The following COL25A1 variants were observed in gnomAD, a reference collection of about 807,000 sequenced individuals.
COL25A1 encodes the protein collagen alpha-1(XXV) chain.
A neutral mutation model predicts 128.4 loss-of-function variants in COL25A1; 103 were observed. The ratio of observed to expected loss-of-function variants is 0.80; its 90% confidence interval spans 0.68 to 0.94. COL25A1 has a LOEUF of 0.94. Ranked by LOEUF, COL25A1 falls within the 40% of genes least tolerant of loss-of-function variation. COL25A1 has a pLI of 0.00. For synonymous variants in COL25A1, 279 were observed against 277.2 expected (o/e 1.01, Z -0.06); for missense variants, 745 against 840.0 (o/e 0.89, Z 1.40).
In COL25A1 at chr4:109,096,545, GT is replaced by G. The variant is rs759565427; in HGVS notation, c.368-46367del. On this transcript the variant is annotated intron_variant, in intron 3 of 37. Coordinates refer to ENST00000399132, the MANE Select transcript of COL25A1 (RefSeq NM_198721.4). ...GGTGTACAGTAGGCTATACCACTAG[GT>G]TTGTGTAAATCCACTCTGTCATGTC... Among the ~76,000 whole-genome samples the G allele has an allele frequency of 9.1e-4, 139 of 152,126 alleles. 2 individuals are homozygous for G. Among genetic ancestry groups the G allele is most frequent in the Non-Finnish European group, 2.2e-4 (15 of 68,018 alleles).
At chr4:109,198,926 T>A (rs1182995163) in intron 3 of COL25A1, among the ~76,000 whole-genome samples, 1 of 152,122 alleles carries the variant, frequency 6.6e-6, no homozygotes, top group Non-Finnish European at 1.5e-5. Flanking sequence ...CTGTACAGCA[T>A]TTACAAATTG....
intron 13 of COL25A1, among the ~76,000 whole-genome samples, chr4:108,911,921 C>T (rs537620990): frequency 2.1e-4 from 32 of 149,298 alleles, no homozygotes; most frequent in Admixed American, 5.4e-4. Flanking sequence ...TATTTTCATT[C>T]GCTACAATAA....
intron 35 of COL25A1, among the ~76,000 whole-genome samples, chr4:108,821,590 C>A (rs1221393789): frequency 6.6e-6 from 1 of 152,130 alleles, no homozygotes; most frequent in Admixed American, 6.5e-5. Context: ...TAAATCAACT[C>A]AGATTAACCA....
intron 4 of COL25A1, among the ~76,000 whole-genome samples, chr4:109,048,448 A>G (rs3108953): frequency 0.38 from 57,082 of 152,048 alleles, 11,251 homozygotes; most frequent in Admixed American, 0.5. Flanking sequence ...AGATGTTCAT[A>G]TATCTTAAGT....
At position 109,302,207 on chromosome 4, in the gene COL25A1, C is replaced by T. The variant is rs1725627543; in HGVS notation, c.-95G>A. The T allele has an allele frequency of 4.5e-6, 3 of 673,422 alleles. No homozygotes were observed. Among genetic ancestry groups the T allele is most frequent in the Non-Finnish European group, 7.0e-6 (3 of 425,854 alleles). 41.7% of individuals were successfully genotyped at this position (673,422 alleles called of 1,614,324 possible). On this transcript the variant is annotated 5_prime_UTR_variant, in exon 1 of 38. It removes an upstream start codon present in the reference 5' UTR. Transcript: ENST00000399132. Reference sequence around the variant, plus strand: ...AGCGTCCAGACCCGCAGGCGTGCACCATCCCCGCTTTCTTCTCTCCTCCCA... The same window carrying T: ...AGCGTCCAGACCCGCAGGCGTGCACTATCCCCGCTTTCTTCTCTCCTCCCA...
At chr4:108,883,372 A>G (rs532418644) in intron 19 of COL25A1, among the ~76,000 whole-genome samples, 1 of 151,118 alleles carries the variant, frequency 6.6e-6, no homozygotes, top group South Asian at 2.1e-4. Flanking sequence ...AGATTGATTC[A>G]AAACTTTGTA....
chr4:108,839,083 G>C (rs1241976405), intron 31 of COL25A1, among the ~76,000 whole-genome samples: 1 of 152,070 alleles, frequency 6.6e-6, no homozygotes, highest in Non-Finnish European at 1.5e-5. Flanking sequence ...GCGGGAAAGG[G>C]GAGAGGCTAT....
At chr4:108,860,122 C>CT (rs1560762550) in intron 23 of COL25A1, among the ~76,000 whole-genome samples, 2 of 152,190 alleles carry the variant, frequency 1.3e-5, no homozygotes, top group Middle Eastern at 3.4e-3. Context: ...CTTCCTCATT[C>CT]TTTTTTTGAG....
At chr4:108,854,616 C>T (rs1736239828) in intron 24 of COL25A1, among the ~76,000 whole-genome samples, 1 of 152,138 alleles carries the variant, frequency 6.6e-6, no homozygotes, top group Non-Finnish European at 1.5e-5. Context: ...AAAAAAAGCT[C>T]ATCATCACTG....
At chr4:108,942,749 CTTTTTTT>C (rs746618908) in intron 8 of COL25A1, among the ~76,000 whole-genome samples, 1 of 69,960 alleles carries the variant, frequency 1.4e-5, no homozygotes, top group South Asian at 4.0e-4. Flanking sequence ...CACATCTGGA[CTTTTTTT>C]TTTTTTTTTT....
chr4:109,172,214 A>G (rs1198172873), intron 3 of COL25A1, among the ~76,000 whole-genome samples: 1 of 152,112 alleles, frequency 6.6e-6, no homozygotes, highest in Non-Finnish European at 1.5e-5. Context: ...GCACTGTGCT[A>G]AGGGATGGGG....
At chr4:109,017,012 G>T (rs963706136) in intron 5 of COL25A1, among the ~76,000 whole-genome samples, 1 of 152,210 alleles carries the variant, frequency 6.6e-6, no homozygotes, top group Non-Finnish European at 1.5e-5. Flanking sequence ...GCCCTTCAGG[G>T]AGCCCAGACC....
chr4:108,974,231 C>T, intron 8 of COL25A1, 136 bp downstream of exon 8: 1 of 803,004 alleles, frequency 1.2e-6, no homozygotes, highest in Non-Finnish European at 2.1e-6. Context: ...TTTTCACTTA[C>T]AAGTGGTATG....
chr4:109,108,004 C>A (rs1766613345), intron 3 of COL25A1, among the ~76,000 whole-genome samples: 1 of 152,128 alleles, frequency 6.6e-6, no homozygotes, highest in Non-Finnish European at 1.5e-5. Flanking sequence ...TTTCTACATA[C>A]CTTAAAAACC....
intron 5 of COL25A1, among the ~76,000 whole-genome samples, chr4:109,029,277 C>A (rs1463229668): frequency 6.6e-6 from 1 of 152,118 alleles, no homozygotes; most frequent in East Asian, 1.9e-4. Flanking sequence ...AATCTCATGC[C>A]ATCCCACTCC....
At chr4:109,146,068 T>C (rs1300542208) in intron 3 of COL25A1, among the ~76,000 whole-genome samples, 2 of 152,150 alleles carry the variant, frequency 1.3e-5, no homozygotes, top group Admixed American at 1.3e-4. Context: ...AACAATCAAA[T>C]AAATTCTTCA....
chr4:108,952,831 CTTTTTTTTTT>C (rs59761040), intron 8 of COL25A1, among the ~76,000 whole-genome samples: 10 of 66,990 alleles, frequency 1.5e-4, no homozygotes, highest in Admixed American at 6.4e-4. Flanking sequence ...AAAAACTCAA[CTTTTTTTTTT>C]TTTTTTTTTT....
At chr4:109,199,682 T>A (rs1423267681) in intron 3 of COL25A1, among the ~76,000 whole-genome samples, 4 of 152,164 alleles carry the variant, frequency 2.6e-5, no homozygotes, top group Non-Finnish European at 5.9e-5. Context: ...TATGGTTAGC[T>A]CTCCTTCCTA....
chr4:109,174,283 G>A (rs1304064502), intron 3 of COL25A1, among the ~76,000 whole-genome samples: 1 of 152,156 alleles, frequency 6.6e-6, no homozygotes, highest in East Asian at 1.9e-4. Flanking sequence ...TTGACATGTG[G>A]TGAAATCAGG....
Sources: allele counts gnomAD v4.1 joint callset (sites outside exome capture counted in the v4.1 genomes callset), GRCh38; gene constraint gnomAD v4.1.1; transcripts MANE v1.5; gene names NCBI Gene and HGNC (gene_info 2026-07-23, HGNC 2026-07-21).